PRKG1: variants seen among roughly 807,000 people sequenced by gnomAD.
PRKG1 encodes cGMP-dependent protein kinase 1.
PRKG1 carries 35 observed loss-of-function variants against 88.1 expected under a neutral mutation model. The ratio of observed to expected loss-of-function variants is 0.40; its 90% CI spans 0.30 to 0.53. The LOEUF is 0.53. PRKG1 is among the 20% of genes least tolerant of loss of function. The probability of loss-of-function intolerance (pLI) is 0.59; values close to 1 mark genes in which losing one functional copy is unlikely to be tolerated. For synonymous variants in PRKG1, 303 were observed against 292.5 expected (o/e 1.04, Z -0.37); for missense variants, 540 against 839.8 (o/e 0.64, Z 4.41).
At chr10:51,864,430 G>A (rs1174560878) in intron 4 of PRKG1, among the ~76,000 whole-genome samples, 4 of 152,136 alleles carry the variant, frequency 2.6e-5, no homozygotes, top group Non-Finnish European at 5.9e-5. Context: ...GGAATGTATT[G>A]AGTTAGATAG....
intron 2 of PRKG1, among the ~76,000 whole-genome samples, chr10:51,273,617 T>C (rs1267430655): frequency 1.3e-5 from 2 of 152,206 alleles, no homozygotes; most frequent in Admixed American, 1.3e-4. Context: ...GCCAGCTCAG[T>C]CAAATGTAAC....
At chr10:51,237,309 G>T (rs181156457) in intron 2 of PRKG1, among the ~76,000 whole-genome samples, 1 of 152,318 alleles carries the variant, frequency 6.6e-6, no homozygotes, top group East Asian at 1.9e-4. Flanking sequence ...TGGCGCCAAA[G>T]AGTTGCTCTA....
intron 10 of PRKG1, among the ~76,000 whole-genome samples, chr10:52,268,053 A>G (rs1324902645): frequency 6.6e-6 from 1 of 152,046 alleles, no homozygotes; most frequent in East Asian, 1.9e-4. Context: ...AGGTACCCTG[A>G]CTTTCTGGTT....
chr10:51,655,807 A>T (rs1490686296), intron 3 of PRKG1, among the ~76,000 whole-genome samples: 1 of 152,150 alleles, frequency 6.6e-6, no homozygotes, highest in Non-Finnish European at 1.5e-5. Context: ...ACTACTTGAG[A>T]ATTAGCATAG....
intron 9 of PRKG1, among the ~76,000 whole-genome samples, chr10:52,178,026 C>T (rs1350058511): frequency 6.6e-6 from 1 of 150,990 alleles, no homozygotes; most frequent in Non-Finnish European, 1.5e-5. Context: ...TATTTCTTCC[C>T]TTCTACTAAT....
intron 3 of PRKG1, among the ~76,000 whole-genome samples, chr10:51,482,773 C>A (rs1036808988): frequency 3.3e-5 from 5 of 152,110 alleles, no homozygotes; most frequent in African/African-American, 1.2e-4. Context: ...AGCAGCTTAA[C>A]TTCTCTAAGC....
chr10:52,289,260 G>A (rs1209846681), intron 16 of PRKG1, among the ~76,000 whole-genome samples: 2 of 152,034 alleles, frequency 1.3e-5, no homozygotes, highest in Non-Finnish European at 2.9e-5. Context: ...GCACAAAGGG[G>A]AAATGTGTAT....
chr10:52,153,965 G>A (rs529529204), intron 8 of PRKG1, among the ~76,000 whole-genome samples: 3 of 152,090 alleles, frequency 2.0e-5, no homozygotes, highest in South Asian at 4.2e-4. Flanking sequence ...GGCTGGTCTC[G>A]AACTCCTGAC....
intron 2 of PRKG1, among the ~76,000 whole-genome samples, chr10:51,348,693 C>A (rs1382082278): frequency 6.6e-6 from 1 of 152,174 alleles, no homozygotes; most frequent in Non-Finnish European, 1.5e-5. Context: ...GAGAACTCGA[C>A]CTTGGTCTCA....
At chr10:51,572,469 T>G (rs986306071) in intron 3 of PRKG1, among the ~76,000 whole-genome samples, 2 of 151,830 alleles carry the variant, frequency 1.3e-5, no homozygotes, top group South Asian at 4.1e-4. Context: ...AATTATGAAG[T>G]GTTTAATGCT....
chr10:52,067,148 G>A (rs1306042389), intron 7 of PRKG1, among the ~76,000 whole-genome samples: 1 of 151,888 alleles, frequency 6.6e-6, no homozygotes, highest in Non-Finnish European at 1.5e-5. Context: ...AATCTTTTGG[G>A]CAACTGTGTA....
At chr10:52,056,194 T>C (rs1846107122) in intron 6 of PRKG1, among the ~76,000 whole-genome samples, 1 of 152,164 alleles carries the variant, frequency 6.6e-6, no homozygotes, top group Admixed American at 6.5e-5. Context: ...TTTTGTAGTT[T>C]ATAAGATAGA....
chr10:51,247,701 T>C (rs1839328343), intron 2 of PRKG1, among the ~76,000 whole-genome samples: 1 of 151,988 alleles, frequency 6.6e-6, no homozygotes, highest in South Asian at 2.1e-4. Flanking sequence ...CATCAATGAA[T>C]GAGCAAATGG....
At chr10:52,098,553 G>GT (rs2132561286) in intron 7 of PRKG1, among the ~76,000 whole-genome samples, 1 of 152,338 alleles carries the variant, frequency 6.6e-6, no homozygotes, top group African/African-American at 2.4e-5. Context: ...GCTCACGCCT[G>GT]TAATCCCAGC....
intron 1 of PRKG1, among the ~76,000 whole-genome samples, chr10:51,012,518 G>A (rs568576019): frequency 7.9e-5 from 12 of 152,272 alleles, no homozygotes; most frequent in African/African-American, 2.9e-4. Context: ...CCACCCATGG[G>A]CATACAATCA....
chr10:52,159,895 T>C (rs1290665379), intron 8 of PRKG1, among the ~76,000 whole-genome samples: 2 of 151,916 alleles, frequency 1.3e-5, no homozygotes, highest in Non-Finnish European at 2.9e-5. Flanking sequence ...TGTTTGGTTT[T>C]CCTACATAAT....
chr10:51,609,772 G>A (rs1408654774), intron 3 of PRKG1, among the ~76,000 whole-genome samples: 1 of 152,116 alleles, frequency 6.6e-6, no homozygotes, highest in African/African-American at 2.4e-5. Flanking sequence ...TCACTTTTTA[G>A]TGGGAGCCTA....
intron 7 of PRKG1, among the ~76,000 whole-genome samples, chr10:52,120,292 A>C (rs985694314): frequency 6.6e-5 from 10 of 152,050 alleles, no homozygotes; most frequent in Admixed American, 5.2e-4. Context: ...CAAACCATCA[A>C]ATTCTGTGCA....
At chr10:51,099,170 C>T (rs185297363) in intron 1 of PRKG1, among the ~76,000 whole-genome samples, 30 of 151,960 alleles carry the variant, frequency 2.0e-4, no homozygotes, top group African/African-American at 6.5e-4. Flanking sequence ...TCTAAAGGAG[C>T]CCTTCTCTGA....
Sources: gnomAD v4.1 joint callset for allele counts (sites outside exome capture counted in the v4.1 genomes callset) on GRCh38, gnomAD v4.1.1 for gene constraint, MANE v1.5 for transcripts, NCBI Gene and HGNC (gene_info 2026-07-23, HGNC 2026-07-21) for gene names.